Variants in GRXCR2 observed in about 807,000 individuals in gnomAD.
GRXCR2 encodes the protein glutaredoxin and cysteine rich domain containing 2, also known as glutaredoxin domain-containing cysteine-rich protein 2.
Under a neutral mutation model 24.8 loss-of-function variants are expected in GRXCR2, and 23 were observed. That is an observed-to-expected ratio of 0.93 (90% CI 0.67 to 1.32). The LOEUF (loss-of-function observed/expected upper bound fraction) is 1.32, where lower values mean the gene tolerates loss of function less well. Among genes scored for constraint, GRXCR2 ranks in the 40% most tolerant of loss-of-function variants. The pLI is 0.00. For missense variants in GRXCR2, 315 were observed against 303.4 expected (o/e 1.04, Z -0.28); for synonymous variants, 130 against 116.1 (o/e 1.12, Z -0.77).
chr5:145,889,197 A>AAAGAAAGAAAGAAAGAAAGG (rs1756824519), intron 2 of GRXCR2, among the ~76,000 whole-genome samples: 2 of 148,328 alleles, frequency 1.3e-5, no homozygotes, highest in African/African-American at 4.9e-5. Flanking sequence ...AGAAAGAAAG[A>AAAGAAAGAAAGAAAGAAAGG]AAGAAAGAAA....
intron 2 of GRXCR2, among the ~76,000 whole-genome samples, chr5:145,860,995 A>T (rs1756327799): frequency 6.6e-6 from 1 of 151,960 alleles, no homozygotes; most frequent in Non-Finnish European, 1.5e-5. Flanking sequence ...GAAATTGGTG[A>T]TCTTGGTACT....
At chr5:145,863,587 T>TA (rs1756376469) in intron 2 of GRXCR2, among the ~76,000 whole-genome samples, 1 of 152,216 alleles carries the variant, frequency 6.6e-6, no homozygotes, top group Non-Finnish European at 1.5e-5. Context: ...ATAATAGAAT[T>TA]AAAAAATTTT....
chr5:145,875,604 T>C (rs947325244), upstream of GRXCR2, among the ~76,000 whole-genome samples: 3 of 152,026 alleles, frequency 2.0e-5, no homozygotes, highest in Non-Finnish European at 2.9e-5. Context: ...TTTTTTAATC[T>C]ACCTTTCTAC....
At chr5:145,869,231 C>A (rs547713479) in intron 1 of GRXCR2, among the ~76,000 whole-genome samples, 1 of 152,248 alleles carries the variant, frequency 6.6e-6, no homozygotes, top group African/African-American at 2.4e-5. Flanking sequence ...GTTAGTTAAT[C>A]CTTATGAACT....
chr5:145,878,574 G>A (rs1006171650), intron 2 of GRXCR2, among the ~76,000 whole-genome samples: 3 of 151,990 alleles, frequency 2.0e-5, no homozygotes, highest in East Asian at 1.9e-4. Flanking sequence ...CATTTGATAG[G>A]TGTACCTGAA....
intron 2 of GRXCR2, among the ~76,000 whole-genome samples, chr5:145,918,074 G>A (rs748076150): frequency 7.2e-5 from 11 of 152,132 alleles, no homozygotes; most frequent in Non-Finnish European, 1.3e-4. Context: ...CACTGTGCTC[G>A]GCCGGCTGAA....
chr5:145,866,762 C>T, intron 1 of GRXCR2, 34 bp from the exon 2 acceptor site: 2 of 1,343,380 alleles, frequency 1.5e-6, no homozygotes, highest in Non-Finnish European at 2.1e-6. Context: ...GGAAACTTTA[C>T]CACCAATCAC....
chr5:145,911,210 T>A (rs1214033675), intron 2 of GRXCR2, among the ~76,000 whole-genome samples: 1 of 152,174 alleles, frequency 6.6e-6, no homozygotes, highest in Non-Finnish European at 1.5e-5. Context: ...TAGGAACTAG[T>A]TTGGTCAAAC....
chr5:145,866,166 A>G (rs1756427483), intron 2 of GRXCR2, among the ~76,000 whole-genome samples: 2 of 151,816 alleles, frequency 1.3e-5, no homozygotes, highest in Non-Finnish European at 2.9e-5. Context: ...GAAAGAAAAA[A>G]GAAAATATAG....
At chr5:145,923,332 C>T (rs192614436) in intron 2 of GRXCR2, among the ~76,000 whole-genome samples, 14 of 152,100 alleles carry the variant, frequency 9.2e-5, no homozygotes, top group African/African-American at 3.4e-4. Flanking sequence ...GGGTGATAAG[C>T]AATGAGCCTG....
intron 1 of GRXCR2, among the ~76,000 whole-genome samples, chr5:145,869,127 A>T (rs911864619): frequency 6.6e-6 from 1 of 152,220 alleles, no homozygotes; most frequent in African/African-American, 2.4e-5. Flanking sequence ...AGAAAGCCTT[A>T]TTGGGTACTA....
At chr5:145,906,335 T>C (rs1180986795) in intron 2 of GRXCR2, among the ~76,000 whole-genome samples, 4 of 151,824 alleles carry the variant, frequency 2.6e-5, no homozygotes, top group Non-Finnish European at 4.4e-5. Context: ...CCTTGGACTT[T>C]AGGGGAAAAT....
At chr5:145,890,679 C>T (rs1057312816) in intron 2 of GRXCR2, among the ~76,000 whole-genome samples, 10 of 152,150 alleles carry the variant, frequency 6.6e-5, no homozygotes, top group African/African-American at 2.4e-4. Context: ...CAGCTAAACA[C>T]ATAGCCTGCA....
At chr5:145,895,392 T>C (rs1323587702) in intron 2 of GRXCR2, among the ~76,000 whole-genome samples, 18 of 152,170 alleles carry the variant, frequency 1.2e-4, no homozygotes, top group Admixed American at 1.2e-3. Context: ...AACCCCATTG[T>C]CTCAGCCCAA....
intron 2 of GRXCR2, among the ~76,000 whole-genome samples, chr5:145,865,543 T>A (rs1361815197): frequency 6.6e-6 from 1 of 152,228 alleles, no homozygotes; most frequent in Non-Finnish European, 1.5e-5. Flanking sequence ...AATAAACTTG[T>A]GGACACTGAC....
chr5:145,898,949 T>C (rs1244418863), intron 2 of GRXCR2, among the ~76,000 whole-genome samples: 4 of 152,052 alleles, frequency 2.6e-5, no homozygotes, highest in Non-Finnish European at 5.9e-5. Context: ...GGCATCGAAA[T>C]AGGAAGACAG....
intron 2 of GRXCR2, among the ~76,000 whole-genome samples, chr5:145,878,451 T>C (rs1442385140): frequency 6.6e-6 from 1 of 152,028 alleles, no homozygotes; most frequent in African/African-American, 2.4e-5. Context: ...GTATCAGTGA[T>C]TGAAGATCAA....
At chr5:145,899,063 A>T (rs1561686046) in intron 2 of GRXCR2, among the ~76,000 whole-genome samples, 1 of 152,184 alleles carries the variant, frequency 6.6e-6, no homozygotes. Flanking sequence ...AAGTTTCAGG[A>T]TACAAAATCA....
chr5:145,916,479 G>C (rs1050980814), intron 2 of GRXCR2, among the ~76,000 whole-genome samples: 3 of 151,830 alleles, frequency 2.0e-5, no homozygotes, highest in Admixed American at 6.6e-5. Context: ...CAGGCCCCAG[G>C]CTGAACCCTG....
Sources: allele counts gnomAD v4.1 joint callset (sites outside exome capture counted in the v4.1 genomes callset), GRCh38; gene constraint gnomAD v4.1.1; transcripts MANE v1.5; gene names NCBI Gene and HGNC (gene_info 2026-07-23, HGNC 2026-07-21).